Variants in FAM177A1 observed in about 807,000 individuals in gnomAD.
FAM177A1 encodes protein FAM177A1.
In FAM177A1, 22 loss-of-function variants were observed where a neutral mutation model predicts 26.1. The ratio of observed to expected loss-of-function variants is 0.84; its 90% CI spans 0.60 to 1.20. The LOEUF (loss-of-function observed/expected upper bound fraction) is 1.20. Among genes scored for constraint, FAM177A1 ranks in the 50% most tolerant of loss-of-function variants. The pLI, the probability that FAM177A1 is intolerant of heterozygous loss-of-function variation, is 0.00. For synonymous variants in FAM177A1, 95 were observed against 99.3 expected (o/e 0.96, Z 0.26); for missense variants, 296 against 291.1 (o/e 1.02, Z -0.12).
At chr14:35,052,809 G>A (rs1251142980) in intron 1 of FAM177A1, among the ~76,000 whole-genome samples, 3 of 151,912 alleles carry the variant, frequency 2.0e-5, no homozygotes, top group Admixed American at 6.6e-5. Context: ...ATAGTCCCAG[G>A]TACTCAGGAG....
In FAM177A1 at chr14:35,053,287, G is replaced by T. The variant is rs773329224; in HGVS notation, c.175G>T (p.Glu59Ter). The T allele has an allele frequency of 1.2e-6, 2 of 1,610,204 alleles. No individual in the cohort carries two copies. Among genetic ancestry groups the T allele is most frequent in the Non-Finnish European group, 1.7e-6 (2 of 1,179,182 alleles). ...FGESAGQMSN[E>*]RGFENVELGV... ...AATATCGTTGATATAGATGAGTAAC[G>T]AAAGAGGCTTTGAAAATGTAGAACT... Residue 59 changes from glutamate (E) to a stop codon, truncating the protein, a stop_gained, in exon 2 of 5, where the codon GAA (glutamate) becomes TAA (stop). Coordinates refer to ENST00000280987, the MANE Select transcript of FAM177A1 (RefSeq NM_173607.5). LOFTEE classifies it high-confidence loss of function.
chr14:35,063,618 T>C (rs2045193995), intron 2 of FAM177A1, among the ~76,000 whole-genome samples: 1 of 152,170 alleles, frequency 6.6e-6, no homozygotes, highest in Non-Finnish European at 1.5e-5. Flanking sequence ...TCCTATTTAG[T>C]GTCATTTTCT....
chr14:35,047,476 A>G (rs150694683), intron 1 of FAM177A1, among the ~76,000 whole-genome samples: 80 of 152,270 alleles, frequency 5.3e-4, no homozygotes, highest in Non-Finnish European at 8.7e-4. Flanking sequence ...CGTTTCTTGC[A>G]ACTTTTCAGT....
intron 3 of FAM177A1, among the ~76,000 whole-genome samples, chr14:35,078,525 T>C (rs1423756794): frequency 6.6e-6 from 1 of 152,160 alleles, no homozygotes; most frequent in African/African-American, 2.4e-5. Context: ...CTAATTTTTG[T>C]ATTTTTAGTA....
chr14:35,075,433 G>C (rs973048725), intron 2 of FAM177A1, among the ~76,000 whole-genome samples: 2 of 152,088 alleles, frequency 1.3e-5, no homozygotes, highest in African/African-American at 2.4e-5. Flanking sequence ...TGTCAAGTTT[G>C]CTACAAAAAT....
rs11555795 is a variant in FAM177A1, at chr14:35,083,264, T to C, written c.*2036T>C. Reference sequence around the variant, plus strand: ...ACTTATGAAGGTTTTGTTTCTTGAATTTTACTTTTGCTACTTGTCCAATAG... The same window carrying C: ...ACTTATGAAGGTTTTGTTTCTTGAACTTTACTTTTGCTACTTGTCCAATAG... On this transcript the variant is annotated 3_prime_UTR_variant, in exon 5 of 5. Coordinates refer to ENST00000280987, the MANE Select transcript of FAM177A1 (RefSeq NM_173607.5). 2,853 of 152,774 alleles carry C rather than the reference T, an allele frequency of 0.019. 56 individuals are homozygous for C. Among genetic ancestry groups the C allele is most frequent in the Non-Finnish European group, 0.025 (1,726 of 68,024 alleles). 9.5% of individuals were successfully genotyped at this position (152,774 alleles called of 1,614,324 possible). A position where few individuals can be genotyped will look rare whatever the true frequency, so the allele number is the denominator to read the frequency against.
chr14:35,069,758 C>T (rs1402571451), intron 2 of FAM177A1, among the ~76,000 whole-genome samples: 1 of 151,986 alleles, frequency 6.6e-6, no homozygotes. Context: ...ATTTTTAAAA[C>T]CCTGACATTT....
At chr14:35,064,020 C>A (rs1401850659) in intron 2 of FAM177A1, among the ~76,000 whole-genome samples, 1 of 146,768 alleles carries the variant, frequency 6.8e-6, no homozygotes, top group Non-Finnish European at 1.5e-5. Context: ...TGTGCTCCAG[C>A]CTTAACCACA....
intron 2 of FAM177A1, among the ~76,000 whole-genome samples, chr14:35,058,488 A>G (rs1416473746): frequency 6.6e-6 from 1 of 152,198 alleles, no homozygotes; most frequent in Non-Finnish European, 1.5e-5. Flanking sequence ...AATTAACTGC[A>G]TATGTATTTA....
At chr14:35,062,592 G>GT (rs2045175547) in intron 2 of FAM177A1, among the ~76,000 whole-genome samples, 1 of 152,088 alleles carries the variant, frequency 6.6e-6, no homozygotes, top group Non-Finnish European at 1.5e-5. Context: ...CCTACCTGTA[G>GT]TTGTTTTTAA....
chr14:35,074,904 G>A (rs1234109157), intron 2 of FAM177A1, among the ~76,000 whole-genome samples: 1 of 151,910 alleles, frequency 6.6e-6, no homozygotes, highest in Non-Finnish European at 1.5e-5. Flanking sequence ...TGTGCAATTG[G>A]TGCACGTCTG....
intron 2 of FAM177A1, among the ~76,000 whole-genome samples, chr14:35,070,457 G>A (rs1194246956): frequency 1.3e-5 from 2 of 152,034 alleles, no homozygotes; most frequent in South Asian, 2.1e-4. Context: ...AGCTTCCCAA[G>A]TAGCTGGGAC....
chr14:35,075,533 G>C (rs1322196147), intron 2 of FAM177A1, among the ~76,000 whole-genome samples: 2 of 152,032 alleles, frequency 1.3e-5, no homozygotes, highest in African/African-American at 4.8e-5. Context: ...CAGGACATAG[G>C]CATGGTCAAG....
chr14:35,062,613 A>G (rs2045175959), intron 2 of FAM177A1, among the ~76,000 whole-genome samples: 1 of 152,072 alleles, frequency 6.6e-6, no homozygotes, highest in Admixed American at 6.6e-5. Flanking sequence ...AGATTAAATG[A>G]GATAATATCT....
intron 2 of FAM177A1, among the ~76,000 whole-genome samples, chr14:35,053,828 C>T (rs1177904444): frequency 6.6e-6 from 1 of 152,050 alleles, no homozygotes; most frequent in African/African-American, 2.4e-5. Flanking sequence ...GCCATCTCTA[C>T]TAAAAATACA....
chr14:35,061,519 CTTT>C (rs199992810), intron 2 of FAM177A1, among the ~76,000 whole-genome samples: 5 of 89,370 alleles, frequency 5.6e-5, no homozygotes, highest in Admixed American at 2.8e-4. Context: ...TTTCTCATTT[CTTT>C]TTTTTTTTTT....
chr14:35,052,461 G>A (rs915213224), intron 1 of FAM177A1, among the ~76,000 whole-genome samples: 2 of 151,584 alleles, frequency 1.3e-5, no homozygotes, highest in African/African-American at 4.9e-5. Context: ...CGCCTGCCTC[G>A]GCCTCCCAAA....
chr14:35,046,965 C>T (rs2044877832), intron 1 of FAM177A1: 1 of 1,094,258 alleles, frequency 9.1e-7, no homozygotes, highest in Non-Finnish European at 1.1e-6. Flanking sequence ...GTGAGGGCGG[C>T]TTCAACCACT....
intron 1 of FAM177A1, among the ~76,000 whole-genome samples, chr14:35,049,134 C>CTG (rs1358015029): frequency 6.6e-6 from 1 of 152,044 alleles, no homozygotes; most frequent in Non-Finnish European, 1.5e-5. Context: ...TGTGATCCAC[C>CTG]TGCTGCCTTG....
Sources: allele counts gnomAD v4.1 joint callset (sites outside exome capture counted in the v4.1 genomes callset), GRCh38; gene constraint gnomAD v4.1.1; transcripts MANE v1.5; gene names NCBI Gene and HGNC (gene_info 2026-07-23, HGNC 2026-07-21).